Variants in CD38 observed in about 807,000 individuals in gnomAD.
CD38 encodes ADP-ribosyl cyclase/cyclic ADP-ribose hydrolase 1.
Under a neutral mutation model 36.3 loss-of-function variants are expected in CD38, and 31 were observed. That is an observed-to-expected ratio of 0.85 (90% CI 0.64 to 1.15). CD38 has a LOEUF of 1.15. Among genes scored for constraint, CD38 ranks in the 50% most tolerant of loss-of-function variants. The pLI is 0.00. For synonymous variants in CD38, 131 were observed against 135.2 expected (o/e 0.97, Z 0.22); for missense variants, 380 against 371.9 (o/e 1.02, Z -0.18).
intron 1 of CD38, among the ~76,000 whole-genome samples, chr4:15,789,218 T>C (rs546405402): frequency 3.9e-5 from 6 of 152,342 alleles, no homozygotes; most frequent in African/African-American, 1.4e-4. Context: ...AGAAACTCTT[T>C]TAGATCCTGG....
chr4:15,818,968 C>T (rs1420467855), intron 2 of CD38, among the ~76,000 whole-genome samples: 3 of 152,176 alleles, frequency 2.0e-5, no homozygotes, highest in African/African-American at 7.2e-5. Context: ...ATGATCTTAA[C>T]ACATCTCCAA....
intron 1 of CD38, among the ~76,000 whole-genome samples, chr4:15,808,413 A>G (rs1461685027): frequency 6.6e-6 from 1 of 152,194 alleles, no homozygotes; most frequent in Non-Finnish European, 1.5e-5. Flanking sequence ...TGGACCTGAG[A>G]TGTTTCCATT....
Position 15,778,485 on chromosome 4 carries a change from T to C in CD38, c.71T>C (p.Leu24Pro). 6.2e-7 allele frequency: 1 copy of C among 1,613,702 alleles called. No homozygotes were observed. The highest frequency in any genetic ancestry group is 8.5e-7 in the Non-Finnish European group (1 of 1,179,948). The change falls in exon 1 of 8, where the codon CTC (leucine) becomes CCC (proline). Residue 24 changes from leucine (L) to proline (P), a missense_variant. Physicochemically the swap from Leu to Pro is moderately conservative, Grantham distance 98. Transcript: ENST00000226279. The surrounding 1 kb of genome is among the most constrained non-coding windows in gnomAD (Gnocchi z 4.9). ...PCCRLSRRAQLCLGVSILVLI... is the reference protein window; with the variant it reads ...PCCRLSRRAQPCLGVSILVLI... ...TGCCGGCTCTCTAGGAGAGCCCAAC[T>C]CTGTCTTGGCGTCAGTATCCTGGTC...
intron 1 of CD38, among the ~76,000 whole-genome samples, chr4:15,796,546 A>G (rs1723107925): frequency 1.3e-5 from 2 of 152,196 alleles, no homozygotes; most frequent in Admixed American, 1.3e-4. Context: ...TGGAGTTAAT[A>G]GACAATAAAA....
At chr4:15,786,428 G>A (rs1722832654) in intron 1 of CD38, among the ~76,000 whole-genome samples, 1 of 152,156 alleles carries the variant, frequency 6.6e-6, no homozygotes, top group Non-Finnish European at 1.5e-5. Flanking sequence ...GACATAGAGT[G>A]CTGATTGGTG....
Position 15,782,764 on chromosome 4 carries a change from T to C in CD38, c.233+4117T>C, listed in dbSNP as rs147469534. Among the ~76,000 whole-genome samples, 410 of 152,342 alleles carry C rather than the reference T, an allele frequency of 2.7e-3. 3 individuals carry two copies. The highest frequency in any genetic ancestry group is 9.4e-3 in the African/African-American group (392 of 41,564). The stretch of plus-strand genomic sequence containing the variant: ...TATTTCTTTAGAGGTTGTAGCACTT[T>C]ATCTTCCTCACTGTTCCTTTTCCTT... On this transcript the variant is annotated intron_variant, in intron 1 of 7. Transcript: ENST00000226279.
chr4:15,834,085 C>G, intron 3 of CD38, 132 bp from the exon 4 acceptor site: 1 of 623,500 alleles, frequency 1.6e-6, no homozygotes, highest in Non-Finnish European at 2.9e-6. Flanking sequence ...CAAAATGTGT[C>G]CATTCTCCAG....
chr4:15,820,848 A>G (rs1288246376), intron 2 of CD38, among the ~76,000 whole-genome samples: 1 of 152,242 alleles, frequency 6.6e-6, no homozygotes, highest in East Asian at 1.9e-4. Flanking sequence ...CCTGATGGAT[A>G]TCTACTGAAG....
intron 2 of CD38, among the ~76,000 whole-genome samples, chr4:15,824,128 C>G (rs1433391779): frequency 4.6e-5 from 7 of 152,084 alleles, no homozygotes; most frequent in African/African-American, 1.7e-4. Flanking sequence ...AGGGGAAAAA[C>G]ACACACTGTA....
Position 15,783,038 on chromosome 4 carries a change from G to A in CD38, c.233+4391G>A, listed in dbSNP as rs749699258. 3.0e-4 allele frequency among the ~76,000 whole-genome samples: 45 copies of A among 152,328 alleles called. 1 individual carries two copies. The highest frequency in any genetic ancestry group is 4.4e-4 in the Non-Finnish European group (30 of 68,034). On this transcript the variant is annotated intron_variant, in intron 1 of 7. Transcript: ENST00000226279. ...AGTTGAACCAGGGGCATTACATGCG[G>A]AATATTCCTGAACAGATCACCTCTG...
intron 1 of CD38, among the ~76,000 whole-genome samples, chr4:15,810,169 A>G (rs771671604): frequency 2.3e-4 from 35 of 152,332 alleles, no homozygotes; most frequent in Admixed American, 3.9e-4. Flanking sequence ...TTAAATTTGT[A>G]ACCTGGACTT....
intron 1 of CD38, among the ~76,000 whole-genome samples, chr4:15,808,838 G>A (rs1723401475): frequency 1.3e-5 from 2 of 152,340 alleles, no homozygotes; most frequent in South Asian, 4.1e-4. Flanking sequence ...TGGAAAAAGA[G>A]CTATTCAAGA....
intron 1 of CD38, among the ~76,000 whole-genome samples, chr4:15,801,038 A>C (rs1395674483): frequency 3.3e-5 from 5 of 152,144 alleles, no homozygotes; most frequent in African/African-American, 1.2e-4. Context: ...AAAATTGACT[A>C]AGCATTACCT....
rs1723083105 is a variant in CD38 at position 15,795,262 on chromosome 4, G to T, written c.233+16615G>T. On this transcript the variant is annotated intron_variant, in intron 1 of 7. Coordinates refer to ENST00000226279, the MANE Select transcript of CD38 (RefSeq NM_001775.4). ...ATTTCACAGAAAAGGGCTGAAAGGG[G>T]AGGAATGGTTATATTCACAGATTTT... Among the ~76,000 whole-genome samples the T allele has an allele frequency of 2.0e-5, 3 of 152,120 alleles. No homozygotes were observed. The South Asian group carries it at 6.2e-4, about 32-fold the overall frequency.
At chr4:15,814,309 A>G (rs1160593661) in intron 1 of CD38, among the ~76,000 whole-genome samples, 1 of 151,894 alleles carries the variant, frequency 6.6e-6, no homozygotes, top group African/African-American at 2.4e-5. Context: ...TTTTCTTGTA[A>G]ATTTGTTTAA....
intron 4 of CD38, among the ~76,000 whole-genome samples, chr4:15,836,550 C>G (rs1724073471): frequency 6.6e-6 from 1 of 152,162 alleles, no homozygotes; most frequent in South Asian, 2.1e-4. Flanking sequence ...TGTGACAAAT[C>G]CCTACATTAA....
chr4:15,834,634 T>C (rs1724028605), intron 4 of CD38, among the ~76,000 whole-genome samples: 1 of 152,180 alleles, frequency 6.6e-6, no homozygotes. Flanking sequence ...ACAATCTACA[T>C]GTATAGACCC....
chr4:15,848,889 T>C lies in CD38; in HGVS notation c.*287T>C. On this transcript the variant is annotated 3_prime_UTR_variant, in exon 8 of 8. Coordinates refer to ENST00000226279, the MANE Select transcript of CD38 (RefSeq NM_001775.4). ...ATTCTCATGTGATCCTTTTATGTTA[T>C]TTATATATTGGTAACATCCTTTCTA... 1 of 250,360 alleles carries C rather than the reference T, an allele frequency of 4.0e-6. No homozygotes were observed. The highest frequency in any genetic ancestry group is 7.6e-6 in the Non-Finnish European group (1 of 131,356). The allele number at this position is 250,360 out of a possible 1,614,324, so 15.5% of individuals were successfully genotyped here.
chr4:15,794,918 G>A (rs1171455914), intron 1 of CD38, among the ~76,000 whole-genome samples: 5 of 152,186 alleles, frequency 3.3e-5, no homozygotes, highest in Admixed American at 1.3e-4. Flanking sequence ...TCTCAGGTGT[G>A]CAAAAGAGTA....
Sources: gnomAD v4.1 joint callset for allele counts (sites outside exome capture counted in the v4.1 genomes callset) on GRCh38, gnomAD v4.1.1 for gene constraint, Gnocchi (gnomAD v3.1) non-coding constraint, MANE v1.5 for transcripts, NCBI Gene and HGNC (gene_info 2026-07-23, HGNC 2026-07-21) for gene names.